Variants in TXNL4A observed in about 807,000 individuals in gnomAD.
TXNL4A encodes the protein thioredoxin-like protein 4A.
In TXNL4A, 17 loss-of-function variants were observed where a neutral mutation model predicts 14.6. That is an observed-to-expected ratio of 1.16 (90% CI 0.80 to 1.74). The LOEUF (loss-of-function observed/expected upper bound fraction) is 1.74, where lower values mean the gene tolerates loss of function less well. Among genes scored for constraint, TXNL4A ranks in the 40% most tolerant of loss-of-function variants. The probability of loss-of-function intolerance (pLI) is 0.00; values close to 1 mark genes in which losing one functional copy is unlikely to be tolerated. For synonymous variants in TXNL4A, 83 were observed against 70.6 expected, an observed-to-expected ratio of 1.18 and a Z score of -0.88; for missense variants, 74 against 195.2, an observed-to-expected ratio of 0.38 and a Z score of 3.70.
chr18:80,031,666 G>A (rs949293105), intron 1 of TXNL4A, among the ~76,000 whole-genome samples: 1 of 152,308 alleles, frequency 6.6e-6, no homozygotes, highest in East Asian at 1.9e-4. Flanking sequence ...GCCAAACGAC[G>A]GGGTCATGCT....
chr18:79,989,371 A>T (rs1025363789), upstream of TXNL4A, among the ~76,000 whole-genome samples: 3 of 151,766 alleles, frequency 2.0e-5, no homozygotes, highest in African/African-American at 7.3e-5. Flanking sequence ...CGGCCTCCCA[A>T]AGCGCTGAAA....
chr18:80,024,187 TA>T (rs34519443), intron 1 of TXNL4A, among the ~76,000 whole-genome samples: 95 of 148,774 alleles, frequency 6.4e-4, no homozygotes, highest in African/African-American at 1.0e-3. Context: ...ATTCACTGTT[TA>T]AAAAAAAAAA....
intron 1 of TXNL4A, among the ~76,000 whole-genome samples, chr18:79,997,354 C>T (rs2145100762): frequency 6.6e-6 from 1 of 151,674 alleles, no homozygotes; most frequent in Middle Eastern, 3.4e-3. Flanking sequence ...TGCACAAGCC[C>T]CTGCAACAGC....
upstream of TXNL4A, among the ~76,000 whole-genome samples, chr18:79,989,663 T>C (rs2051611062): frequency 6.6e-6 from 1 of 152,226 alleles, no homozygotes; most frequent in Non-Finnish European, 1.5e-5. Flanking sequence ...TCTTGTCTAC[T>C]ATCTAGCTAT....
intron 1 of TXNL4A, among the ~76,000 whole-genome samples, chr18:79,981,870 T>C (rs2051469666): frequency 6.6e-6 from 1 of 152,244 alleles, no homozygotes; most frequent in Non-Finnish European, 1.5e-5. Flanking sequence ...ACCAGTTTCA[T>C]GAACACTTGA....
chr18:79,983,313 A>T (rs547088909), intron 1 of TXNL4A, among the ~76,000 whole-genome samples: 5 of 152,332 alleles, frequency 3.3e-5, no homozygotes, highest in Admixed American at 3.3e-4. Context: ...AATTGTTTTT[A>T]AATTCTTTGA....
chr18:80,021,712 G>T (rs1185412308), intron 1 of TXNL4A, among the ~76,000 whole-genome samples: 1 of 152,226 alleles, frequency 6.6e-6, no homozygotes, highest in Non-Finnish European at 1.5e-5. Context: ...TAATATTGGG[G>T]TGTTGCAATG....
intron 1 of TXNL4A, among the ~76,000 whole-genome samples, chr18:80,006,949 C>A (rs1465559708): frequency 6.6e-6 from 1 of 152,112 alleles, no homozygotes. Flanking sequence ...ACGTTGCCTG[C>A]TTTTTTACTG....
At chr18:80,033,209 A>G (rs2051935832) in intron 1 of TXNL4A, among the ~76,000 whole-genome samples, 1 of 152,142 alleles carries the variant, frequency 6.6e-6, no homozygotes, top group Non-Finnish European at 1.5e-5. Flanking sequence ...ATATACGCGC[A>G]CGCACATGCA....
At chr18:80,001,753 T>C (rs1275561906) in intron 1 of TXNL4A, among the ~76,000 whole-genome samples, 1 of 152,192 alleles carries the variant, frequency 6.6e-6, no homozygotes, top group Non-Finnish European at 1.5e-5. Context: ...AATGGCTGTA[T>C]TTACCCAATG....
At position 79,988,313 on chromosome 18, in the gene TXNL4A, A is replaced by G; in HGVS notation, c.80T>C (p.Val27Ala). 1 of 1,601,788 alleles carries G rather than the reference A, an allele frequency of 6.2e-7. No individual in the cohort carries two copies. The highest frequency in any genetic ancestry group is 1.3e-5 in the African/African-American group (1 of 74,706). ...ATCCCAGTCGTGGCCGAAGCGGATGACGACCACGCGGTCCTCCTCCGAGAG... is the reference window on the plus strand; with the variant it reads ...ATCCCAGTCGTGGCCGAAGCGGATGGCGACCACGCGGTCCTCCTCCGAGAG... ...AILSEEDRVV[V>A]IRFGHDWDPT... The change falls in exon 1 of 3, where the codon GTC becomes GCC. Residue 27 changes from valine to alanine, a missense_variant. By Grantham distance (64) the Val-to-Ala change is moderately conservative. Around this residue, in one of 3 missense-constraint regions of TXNL4A, gnomAD observed 55 missense variants for 116.1 expected, o/e 0.47. Coordinates refer to ENST00000269601, the MANE Select transcript of TXNL4A (RefSeq NM_006701.5).
At chr18:80,029,682 C>T (rs1370433703) in intron 1 of TXNL4A, among the ~76,000 whole-genome samples, 2 of 152,214 alleles carry the variant, frequency 1.3e-5, no homozygotes, top group African/African-American at 4.8e-5. Flanking sequence ...AATTCACCTC[C>T]AGGCATTTCA....
At chr18:80,016,347 G>A (rs1412688764) in intron 1 of TXNL4A, among the ~76,000 whole-genome samples, 6 of 152,022 alleles carry the variant, frequency 3.9e-5, no homozygotes, top group Admixed American at 2.0e-4. Flanking sequence ...CTTTTGCTGC[G>A]CAGAAGCTCT....
chr18:80,013,977 A>G (rs2051789773), intron 1 of TXNL4A, among the ~76,000 whole-genome samples: 1 of 152,202 alleles, frequency 6.6e-6, no homozygotes, highest in South Asian at 2.1e-4. Context: ...TGAGGAAGAA[A>G]CAAAAGCAGA....
chr18:80,016,597 C>G (rs547212086), intron 1 of TXNL4A, among the ~76,000 whole-genome samples: 192 of 152,284 alleles, frequency 1.3e-3, no homozygotes, highest in African/African-American at 4.4e-3. Flanking sequence ...CCAGTTTTCC[C>G]AGCACCATTT....
intron 1 of TXNL4A, among the ~76,000 whole-genome samples, chr18:79,981,709 G>C (rs62101236): frequency 0.13 from 19,106 of 152,170 alleles, 2,079 homozygotes; most frequent in East Asian, 0.44. Flanking sequence ...GGGCAACTGA[G>C]TAACTGTAAC....
intron 1 of TXNL4A, among the ~76,000 whole-genome samples, chr18:79,987,332 C>G (rs1307621994): frequency 6.6e-6 from 1 of 152,182 alleles, no homozygotes; most frequent in African/African-American, 2.4e-5. Flanking sequence ...TAAAATATGT[C>G]CTTACATCTG....
upstream of TXNL4A, among the ~76,000 whole-genome samples, chr18:79,990,652 T>G (rs1364970919): frequency 1.3e-5 from 2 of 152,238 alleles, no homozygotes; most frequent in African/African-American, 2.4e-5. Flanking sequence ...TGTTCCAAGC[T>G]AAGGCATAAG....
Position 79,993,565 on chromosome 18 carries a change from C to G in TXNL4A, c.-60-15864G>C, listed in dbSNP as rs1347855982. Among the ~76,000 whole-genome samples the G allele has an allele frequency of 6.6e-6, 1 of 152,130 alleles. No individual in the cohort carries two copies. Among genetic ancestry groups the G allele is most frequent in the Non-Finnish European group, 1.5e-5 (1 of 68,026 alleles). ...AGAAGTCATATAATTTGCGTGATCA[C>G]TGTTAGTTTTGCTTAGCTGTTTTGT... is the stretch of plus-strand genomic sequence containing the variant. On this transcript the variant is annotated intron_variant, in intron 1 of 2. Coordinates refer to the TXNL4A transcript ENST00000585474. The surrounding 1 kb of genome is among the most constrained non-coding windows in gnomAD (Gnocchi z 4.4).
Sources: allele counts gnomAD v4.1 joint callset (sites outside exome capture counted in the v4.1 genomes callset), GRCh38; gene constraint gnomAD v4.1.1; regional missense constraint gnomAD v4.1.1; non-coding constraint Gnocchi (gnomAD v3.1); transcripts MANE v1.5; gene names NCBI Gene and HGNC (gene_info 2026-07-23, HGNC 2026-07-21).